The following ABI3 variants were observed in gnomAD, a reference collection of about 807,000 sequenced individuals.
The protein encoded by ABI3 is ABI family member 3.
ABI3 carries 24 observed loss-of-function variants against 37.0 expected under a neutral mutation model. That is an observed-to-expected ratio of 0.65 (90% CI 0.47 to 0.91). ABI3 has a LOEUF of 0.91. Ranked by LOEUF, ABI3 falls within the 40% of genes least tolerant of loss-of-function variation. The probability of loss-of-function intolerance (pLI) is 0.00; values close to 1 mark genes in which losing one functional copy is unlikely to be tolerated. For missense variants in ABI3, 481 were observed against 485.1 expected (o/e 0.99, Z 0.08); for synonymous variants, 220 against 211.8 (o/e 1.04, Z -0.34).
At chr17:49,215,188 C>T (rs564146215) in intron 1 of ABI3, among the ~76,000 whole-genome samples, 6 of 152,168 alleles carry the variant, frequency 3.9e-5, no homozygotes, top group Admixed American at 6.5e-5. Context: ...GCCAAGGCCC[C>T]GAGGCAGAAA....
chr17:49,216,377 A>T (rs2043218020), intron 1 of ABI3, among the ~76,000 whole-genome samples, 154 bp from the exon 2 acceptor site: 1 of 152,174 alleles, frequency 6.6e-6, no homozygotes, highest in South Asian at 2.1e-4. Context: ...CTCTTGCTAC[A>T]TCATTCTGCT....
In ABI3 at chr17:49,210,724, G is replaced by A. The variant is rs1185892393; in HGVS notation, c.-1G>A. 7.7e-6 allele frequency: 12 copies of A among 1,555,792 alleles called. No homozygotes were observed. The African/African-American group carries it at 1.6e-4, about 21-fold the overall frequency. On this transcript the variant is annotated 5_prime_UTR_variant, in exon 1 of 8. Transcript: ENST00000225941. This position sits in a 1 kb window ranked among gnomAD's most constrained non-coding sequence, Gnocchi z 4.2. ...GGGGAGCCAGACAGAGGCTGGGGGTGATGGCGGAGCTACAGCAGCTGCAGG... is the reference window on the plus strand; with the variant it reads ...GGGGAGCCAGACAGAGGCTGGGGGTAATGGCGGAGCTACAGCAGCTGCAGG...
chr17:49,220,859 A>G (rs866326762), intron 6 of ABI3, among the ~76,000 whole-genome samples: 783 of 76,942 alleles, frequency 0.01, 12 homozygotes, highest in Middle Eastern at 0.041. Context: ...TAATAATAAT[A>G]ATAATAATAA....
chr17:49,220,199 G>A lies in ABI3; in HGVS notation c.675G>A (p.Thr225=), dbSNP rs757687924. The A allele has an allele frequency of 3.1e-6, 5 of 1,612,164 alleles. No individual in the cohort carries two copies. Among genetic ancestry groups the A allele is most frequent in the South Asian group, 2.2e-5 (2 of 90,988 alleles). The change falls in exon 6 of 8, where the codon ACG becomes ACA. Residue 225 remains threonine, a synonymous_variant. Coordinates refer to ENST00000225941, the MANE Select transcript of ABI3 (RefSeq NM_016428.3). ...GSAEGVGGAP[T]PKGQAAPPAP... ...CCGAAGGTGTCGGTGGGGCCCCCAC[G>A]CCCAAGGGGCAGGCAGCACCTCCAG...
At position 49,220,204 on chromosome 17, in the gene ABI3, A is replaced by T. The variant is rs754487954; in HGVS notation, c.680A>T (p.Lys227Met). 1.2e-6 allele frequency: 2 copies of T among 1,612,198 alleles called. No homozygotes were observed. Among genetic ancestry groups the T allele is most frequent in the East Asian group, 4.5e-5 (2 of 44,894 alleles). Residue 227 changes from lysine (K) to methionine (M), a missense_variant, in exon 6 of 8, where the codon AAG becomes ATG. Coordinates refer to ENST00000225941, the MANE Select transcript of ABI3 (RefSeq NM_016428.3). ...GGTGTCGGTGGGGCCCCCACGCCCAAGGGGCAGGCAGCACCTCCAGCCCCA... is the reference window on the plus strand; with the variant it reads ...GGTGTCGGTGGGGCCCCCACGCCCATGGGGCAGGCAGCACCTCCAGCCCCA... ...AEGVGGAPTP[K>M]GQAAPPAPPL...
chr17:49,217,581 T>C (rs954942876), intron 2 of ABI3, among the ~76,000 whole-genome samples, 158 bp from the exon 3 acceptor site: 20 of 130,292 alleles, frequency 1.5e-4, no homozygotes, highest in Non-Finnish European at 3.0e-4. Flanking sequence ...CCAATTGCTA[T>C]GTAGCCTGGT....
At chr17:49,217,656 C>A in intron 2 of ABI3, 83 bp from the exon 3 acceptor site, 1 of 1,350,196 alleles carries the variant, frequency 7.4e-7, no homozygotes, top group South Asian at 1.4e-5. Context: ...CCCCCCAGCC[C>A]AGTCTTTATC....
chr17:49,217,522 C>G (rs2043231720), intron 2 of ABI3, among the ~76,000 whole-genome samples: 1 of 151,576 alleles, frequency 6.6e-6, no homozygotes, highest in African/African-American at 2.4e-5. Context: ...TACTCTCTTT[C>G]CACCAGGAAG....
chr17:49,213,230 T>G (rs2043186482), intron 1 of ABI3, among the ~76,000 whole-genome samples: 1 of 152,208 alleles, frequency 6.6e-6, no homozygotes, highest in South Asian at 2.1e-4. Flanking sequence ...GGATGGATAA[T>G]AAGAATCAGT....
At position 49,220,315 on chromosome 17, in the gene ABI3, C is replaced by CA; in HGVS notation, c.792dup (p.Pro265ThrfsTer23). 6.3e-7 allele frequency: 1 copy of CA among 1,588,532 alleles called. No individual in the cohort carries two copies. The highest frequency in any genetic ancestry group is 8.6e-7 in the Non-Finnish European group (1 of 1,167,814). On this transcript the variant is annotated frameshift_variant, in exon 6 of 8. Transcript: ENST00000225941. LOFTEE classifies it high-confidence loss of function. The stretch of plus-strand genomic sequence containing the variant: ...CCTCCCACGCTGGAGGAGTTGTCCC[C>CA]ACCCCCACCGGGTAAGGAGGTCCAC...
Position 49,222,548 on chromosome 17 carries a change from G to C in ABI3, c.938-4G>C. ...TCACGGCACCCTCTTCTCTTGCCCTGCAGTGGTGACACTGTACCCATACAC... is the reference window on the plus strand; with the variant it reads ...TCACGGCACCCTCTTCTCTTGCCCTCCAGTGGTGACACTGTACCCATACAC... On this transcript the variant is annotated splice_polypyrimidine_tract_variant and splice_region_variant and intron_variant, in intron 7 of 7. Transcript: ENST00000225941. The C allele has an allele frequency of 6.2e-7, 1 of 1,613,618 alleles. No individual in the cohort carries two copies.
In ABI3 at chr17:49,220,673, G is replaced by A. The variant is rs577248448; in HGVS notation, c.802+347G>A. On this transcript the variant is annotated intron_variant, in intron 6 of 7. Transcript: ENST00000225941. ...CAGCCTGACCAAAATGGAGAAATCC[G>A]GTCTCTACTAAAAATACAAAATTGA... Among the ~76,000 whole-genome samples, 343 of 151,808 alleles carry A rather than the reference G, an allele frequency of 2.3e-3. 3 individuals carry two copies. Among genetic ancestry groups the A allele is most frequent in the Admixed American group, 4.4e-3 (67 of 15,236 alleles).
Position 49,211,673 on chromosome 17 carries a change from TC to T in ABI3, c.117+833del, listed in dbSNP as rs555103576. ...AGCAGAGCCAGGCATTCCTTTTTTT[TC>T]GCTCTTGTTGTCCAGGCTGGAGTGC... On this transcript the variant is annotated intron_variant, in intron 1 of 7. Coordinates refer to ENST00000225941, the MANE Select transcript of ABI3 (RefSeq NM_016428.3). Among the ~76,000 whole-genome samples the T allele has an allele frequency of 5.3e-5, 8 of 152,316 alleles. No homozygotes were observed. The East Asian group carries it at 1.3e-3, about 26-fold the overall frequency.
intron 3 of ABI3, among the ~76,000 whole-genome samples, chr17:49,218,608 A>T (rs1237168565): frequency 6.8e-6 from 1 of 146,148 alleles, no homozygotes. Context: ...TCCAACTTAT[A>T]TTTTTTTTTT....
At chr17:49,220,015 C>A in intron 5 of ABI3, 62 bp downstream of exon 5, 1 of 1,528,660 alleles carries the variant, frequency 6.5e-7, no homozygotes, top group South Asian at 1.2e-5. Flanking sequence ...AGAGGGGCCA[C>A]CTGCCAGTGG....
At position 49,214,604 on chromosome 17, in the gene ABI3, G is replaced by A. The variant is rs575302760; in HGVS notation, c.118-1927G>A. Reference sequence around the variant, plus strand: ...GCATGCCTGTAATCCCAGCTACTCGGAAGGCTGAGGCAGGAGAATCGCTTG... The same window carrying A: ...GCATGCCTGTAATCCCAGCTACTCGAAAGGCTGAGGCAGGAGAATCGCTTG... On this transcript the variant is annotated intron_variant, in intron 1 of 7. Transcript: ENST00000225941. Among the ~76,000 whole-genome samples, 5 of 152,318 alleles carry A rather than the reference G, an allele frequency of 3.3e-5. 1 individual carries two copies. Among genetic ancestry groups the A allele is most frequent in the African/African-American group, 4.8e-5 (2 of 41,566 alleles).
chr17:49,214,446 C>T lies in ABI3; in HGVS notation c.118-2085C>T, dbSNP rs139409549. ...TTTCTTGGCCAGGCGCAGTGGCTCA[C>T]GCCTGTAATCCCAGCACTTTGGGAG... On this transcript the variant is annotated intron_variant, in intron 1 of 7. Coordinates refer to ENST00000225941, the MANE Select transcript of ABI3 (RefSeq NM_016428.3). Among the ~76,000 whole-genome samples the T allele has an allele frequency of 3.4e-4, 52 of 152,304 alleles. 1 individual carries two copies. The highest frequency in any genetic ancestry group is 1.1e-3 in the African/African-American group (44 of 41,574).
chr17:49,218,289 G>A (rs1257286094), intron 3 of ABI3, among the ~76,000 whole-genome samples: 20 of 152,198 alleles, frequency 1.3e-4, no homozygotes, highest in Non-Finnish European at 1.0e-4. Context: ...GGGGGTTTGA[G>A]GTCACTGCAC....
intron 1 of ABI3, among the ~76,000 whole-genome samples, chr17:49,212,099 A>C (rs2043174668): frequency 6.6e-6 from 1 of 152,066 alleles, no homozygotes; most frequent in East Asian, 1.9e-4. Context: ...CTACAGGTGC[A>C]TGCCACCATG....
Sources: allele counts gnomAD v4.1 joint callset (sites outside exome capture counted in the v4.1 genomes callset), GRCh38; gene constraint gnomAD v4.1.1; non-coding constraint Gnocchi (gnomAD v3.1); transcripts MANE v1.5; gene names NCBI Gene and HGNC (gene_info 2026-07-23, HGNC 2026-07-21).